The following IGSF10 variants were observed in gnomAD, a reference collection of about 807,000 sequenced individuals.
IGSF10 encodes the protein calvaria mechanical force protein 608.
IGSF10 carries 126 observed loss-of-function variants against 128.2 expected under a neutral mutation model. That is an observed-to-expected ratio of 0.98 (90% CI 0.85 to 1.14). The LOEUF is 1.14. IGSF10 is among the 50% of genes most tolerant of loss of function. IGSF10 has a pLI of 0.00. For synonymous variants in IGSF10, 1,185 were observed against 1,146.2 expected, an observed-to-expected ratio of 1.03 and a Z score of -0.68; for missense variants, 3,295 against 3,149.8, an observed-to-expected ratio of 1.05 and a Z score of -1.10.
the IGSF10 span, among the ~76,000 whole-genome samples, chr3:151,594,124 A>C: frequency 6.6e-6 from 1 of 152,116 alleles, no homozygotes; most frequent in African/African-American, 2.4e-5. Context: ...GGTCTGTACC[A>C]CACATTTAAA....
chr3:151,609,188 A>G, the IGSF10 span, among the ~76,000 whole-genome samples: 2 of 152,194 alleles, frequency 1.3e-5, no homozygotes, highest in African/African-American at 4.8e-5. Flanking sequence ...AAACAGCAAT[A>G]GCAAAGGACC....
downstream of IGSF10, chr3:151,432,914 T>C (rs1719695048): frequency 3.9e-6 from 3 of 776,564 alleles, no homozygotes; most frequent in Admixed American, 5.8e-5. Flanking sequence ...TTCTTTGACA[T>C]TTTACTATAT....
At chr3:151,514,488 A>G in the IGSF10 span, among the ~76,000 whole-genome samples, 23 of 152,262 alleles carry the variant, frequency 1.5e-4, no homozygotes, top group African/African-American at 5.5e-4. Context: ...AAAGACTTAA[A>G]TGTTAGACCT....
chr3:151,458,471 C>T lies in IGSF10; in HGVS notation c.194+45G>A, dbSNP rs145932144. 6.5e-5 allele frequency: 92 copies of T among 1,419,744 alleles called. No homozygotes were observed. In the East Asian group the frequency reaches 1.1e-3, roughly 16 times the overall value. The allele number at this position is 1,419,744 out of a possible 1,614,324, so 87.9% of individuals were successfully genotyped here. The stretch of plus-strand genomic sequence containing the variant: ...ATGTTTGAGGGACAAGTCACTGCTG[C>T]GACTGATCCCTCTTTGAGAAGAGGA... On this transcript the variant is annotated intron_variant, in intron 3 of 7. Coordinates refer to ENST00000282466, the MANE Select transcript of IGSF10 (RefSeq NM_178822.5).
chr3:151,545,928 C>T, the IGSF10 span, among the ~76,000 whole-genome samples: 1 of 151,882 alleles, frequency 6.6e-6, no homozygotes, highest in Non-Finnish European at 1.5e-5. Context: ...ATTACTGCTC[C>T]CTATCCAAAT....
chr3:151,453,748 G>A lies in IGSF10; in HGVS notation c.351C>T (p.Val117=). Residue 117 remains valine (V), a synonymous_variant, in exon 5 of 8, where the codon GTC becomes GTT. Transcript: ENST00000282466. ...AAAAAGTATCTTTCTGAAGTTTTCG[G>A]ACTTTATTATAGCTCATTTTTAAGA... ...LQVLKMSYNK[V]RKLQKDTFYG... 2 of 1,576,840 alleles carry A rather than the reference G, an allele frequency of 1.3e-6. No individual in the cohort carries two copies. Among genetic ancestry groups the A allele is most frequent in the South Asian group, 2.3e-5 (2 of 85,300 alleles).
chr3:151,572,037 T>A, the IGSF10 span, among the ~76,000 whole-genome samples: 1 of 152,228 alleles, frequency 6.6e-6, no homozygotes, highest in Non-Finnish European at 1.5e-5. Context: ...GGTTTGCGTA[T>A]GTTGCACCAG....
In IGSF10 at chr3:151,447,160, TG is replaced by T. The variant is rs769345618; in HGVS notation, c.2820del (p.Asn941ThrfsTer5). On this transcript the variant is annotated frameshift_variant, in exon 6 of 8. Transcript: ENST00000282466. LOFTEE classifies it high-confidence loss of function. ...TTTACTGACTCTAATAATAGTTTGT[TG>T]GTGGTGCTACTAAGCATTTTGACAT... ...DVNVKMLSST[T>X]NKLLLESVNT... 13 of 1,614,206 alleles carry T rather than the reference TG, an allele frequency of 8.1e-6. No individual in the cohort carries two copies. The South Asian group carries it at 1.4e-4, about 18-fold the overall frequency.
the IGSF10 span, among the ~76,000 whole-genome samples, chr3:151,505,700 G>T: frequency 6.6e-6 from 1 of 152,082 alleles, no homozygotes; most frequent in Non-Finnish European, 1.5e-5. Flanking sequence ...TTGAAAATGA[G>T]GCCTCCCAAA....
At chr3:151,498,831 C>T in the IGSF10 span, among the ~76,000 whole-genome samples, 3 of 152,112 alleles carry the variant, frequency 2.0e-5, no homozygotes, top group African/African-American at 7.2e-5. Flanking sequence ...ATTTTCAGAA[C>T]ATCTACTTAC....
At position 151,445,072 on chromosome 3, in the gene IGSF10, A is replaced by C. The variant is rs750424094; in HGVS notation, c.4909T>G (p.Phe1637Val). 6.2e-7 allele frequency: 1 copy of C among 1,614,208 alleles called. No homozygotes were observed. The highest frequency in any genetic ancestry group is 8.5e-7 in the Non-Finnish European group (1 of 1,180,034). Residue 1637 changes from phenylalanine to valine, a missense_variant, in exon 6 of 8, where the codon TTT (phenylalanine) becomes GTT (valine). By Grantham distance (50) the Phe-to-Val change is conservative (BLOSUM62 -1). Transcript: ENST00000282466. The part of the protein sequence containing the change: ...QEATTSKLLP[F>V]DSLSRYIFEK... Reference sequence around the variant, plus strand: ...AATATATACCTAGACAAAGAGTCAAAGGGAAGGAGTTTGGAAGTTGTTGCT... The same window carrying C: ...AATATATACCTAGACAAAGAGTCAACGGGAAGGAGTTTGGAAGTTGTTGCT...
the IGSF10 span, among the ~76,000 whole-genome samples, chr3:151,471,330 G>T: frequency 1.3e-5 from 2 of 152,144 alleles, no homozygotes; most frequent in Admixed American, 1.3e-4. Context: ...AATAATACTT[G>T]TAGTGTCAGA....
the IGSF10 span, among the ~76,000 whole-genome samples, chr3:151,481,087 A>G: frequency 6.6e-6 from 1 of 152,090 alleles, no homozygotes; most frequent in Non-Finnish European, 1.5e-5. Flanking sequence ...CCAGCACCAT[A>G]GCTGACATGG....
the IGSF10 span, among the ~76,000 whole-genome samples, chr3:151,468,370 A>G: frequency 6.6e-6 from 1 of 152,192 alleles, no homozygotes. Flanking sequence ...CTAGAACAAG[A>G]AATTCTTTAC....
the IGSF10 span, among the ~76,000 whole-genome samples, chr3:151,568,434 A>G: frequency 6.6e-6 from 1 of 152,158 alleles, no homozygotes; most frequent in Non-Finnish European, 1.5e-5. Context: ...AGGACTTTAA[A>G]TGGGGTCTGG....
the IGSF10 span, among the ~76,000 whole-genome samples, chr3:151,601,188 CTAT>C: frequency 6.6e-6 from 1 of 152,098 alleles, no homozygotes; most frequent in African/African-American, 2.4e-5. Context: ...CACATCTTCC[CTAT>C]TGAATAATCA....
At chr3:151,491,600 A>T in the IGSF10 span, among the ~76,000 whole-genome samples, 2 of 152,042 alleles carry the variant, frequency 1.3e-5, no homozygotes, top group African/African-American at 4.8e-5. Flanking sequence ...AACAAACAAT[A>T]AATACATAAA....
At chr3:151,487,407 G>C in the IGSF10 span, among the ~76,000 whole-genome samples, 1 of 152,152 alleles carries the variant, frequency 6.6e-6, no homozygotes, top group Non-Finnish European at 1.5e-5. Flanking sequence ...GAAGTACAAA[G>C]AGGAGCTGGT....
chr3:151,520,913 C>T, the IGSF10 span, among the ~76,000 whole-genome samples: 1 of 151,060 alleles, frequency 6.6e-6, no homozygotes, highest in Non-Finnish European at 1.5e-5. Flanking sequence ...TGGCTAAATG[C>T]CCCACTTAAA....
Sources: gnomAD v4.1 joint callset for allele counts (sites outside exome capture counted in the v4.1 genomes callset) on GRCh38, gnomAD v4.1.1 for gene constraint, MANE v1.5 for transcripts, NCBI Gene and HGNC (gene_info 2026-07-23, HGNC 2026-07-21) for gene names.